The following STMN1 variants were observed in gnomAD, a reference collection of about 807,000 sequenced individuals.
STMN1 encodes the protein stathmin.
In STMN1, 3 loss-of-function variants were observed where a neutral mutation model predicts 19.7. The observed-to-expected ratio is 0.15, with a 90% confidence interval of 0.07 to 0.39. The LOEUF (loss-of-function observed/expected upper bound fraction) is 0.39, where lower values mean the gene tolerates loss of function less well. Ranked by LOEUF, STMN1 falls within the 10% of genes least tolerant of loss-of-function variation. STMN1 has a pLI of 1.00. For synonymous variants in STMN1, 59 were observed against 58.9 expected (o/e 1.00, Z -0.01); for missense variants, 99 against 176.0 (o/e 0.56, Z 2.48).
intron 4 of STMN1, chr1:25,889,002 C>A: frequency 2.0e-6 from 1 of 490,392 alleles, no homozygotes; most frequent in South Asian, 1.6e-5. Context: ...GGTCAAGAAA[C>A]AAAAGCAAAA....
At chr1:25,886,152 C>T (rs1347524784) in intron 4 of STMN1, among the ~76,000 whole-genome samples, 1 of 152,040 alleles carries the variant, frequency 6.6e-6, no homozygotes, top group Admixed American at 6.6e-5. Context: ...GTGGTGATGA[C>T]CTAGGCTCTG....
chr1:25,891,861 G>C (rs956583537), intron 4 of STMN1, among the ~76,000 whole-genome samples: 4 of 152,166 alleles, frequency 2.6e-5, no homozygotes, highest in African/African-American at 9.7e-5. Context: ...CATGAAGCTG[G>C]CAGGAGGAAC....
intron 4 of STMN1, 45 bp downstream of exon 4, chr1:25,901,446 G>A (rs2048873010): frequency 1.9e-6 from 3 of 1,554,446 alleles, no homozygotes; most frequent in South Asian, 2.5e-5. Context: ...ACTCATTGGT[G>A]CATCAAACTC....
chr1:25,896,192 C>A (rs2048816917), downstream of STMN1, among the ~76,000 whole-genome samples: 3 of 152,332 alleles, frequency 2.0e-5, no homozygotes, highest in South Asian at 6.2e-4. Flanking sequence ...GGTAAATCCC[C>A]TAATCTAGGT....
downstream of STMN1, chr1:25,884,489 G>A (rs1487627547): frequency 2.0e-5 from 3 of 152,158 alleles, no homozygotes; most frequent in Non-Finnish European, 2.9e-5. Flanking sequence ...GAGGTCAGGA[G>A]ATCGAGACCA....
chr1:25,895,287 T>C (rs1468050476), downstream of STMN1, among the ~76,000 whole-genome samples: 1 of 151,938 alleles, frequency 6.6e-6, no homozygotes, highest in Non-Finnish European at 1.5e-5. Context: ...TTTGTATTTT[T>C]AGTAGAGACG....
At chr1:25,904,640 A>T in intron 2 of STMN1, 24 bp downstream of exon 2, 3 of 1,609,458 alleles carry the variant, frequency 1.9e-6, no homozygotes, top group Non-Finnish European at 2.6e-6. Flanking sequence ...TTACAATTTC[A>T]GATTTTCCAA....
At chr1:25,893,005 T>C (rs1179721081) in intron 4 of STMN1, among the ~76,000 whole-genome samples, 1 of 152,226 alleles carries the variant, frequency 6.6e-6, no homozygotes, top group Non-Finnish European at 1.5e-5. Context: ...CTGTAAAATT[T>C]TAAAAATATA....
intron 4 of STMN1, among the ~76,000 whole-genome samples, chr1:25,893,571 G>C (rs938021489): frequency 6.6e-6 from 1 of 152,102 alleles, no homozygotes; most frequent in Non-Finnish European, 1.5e-5. Context: ...ACACAGTCTT[G>C]TTCTTGTTGA....
At chr1:25,889,603 C>G (rs1229200328) in intron 4 of STMN1, among the ~76,000 whole-genome samples, 1 of 152,184 alleles carries the variant, frequency 6.6e-6, no homozygotes, top group Admixed American at 6.5e-5. Context: ...CCATGACCCT[C>G]CACCTCACTG....
At chr1:25,887,782 G>T (rs1395697050) in intron 4 of STMN1, among the ~76,000 whole-genome samples, 2 of 152,194 alleles carry the variant, frequency 1.3e-5, no homozygotes, top group Non-Finnish European at 2.9e-5. Context: ...CGCCTCCCGA[G>T]TTCAAGTGGT....
chr1:25,894,132 C>G (rs1047841034), intron 4 of STMN1, among the ~76,000 whole-genome samples: 1 of 152,148 alleles, frequency 6.6e-6, no homozygotes, highest in Non-Finnish European at 1.5e-5. Context: ...GGAAGTGGTG[C>G]CTGTTCCTGG....
intron 4 of STMN1, among the ~76,000 whole-genome samples, chr1:25,891,101 G>A (rs2048770831): frequency 6.6e-6 from 1 of 152,158 alleles, no homozygotes; most frequent in African/African-American, 2.4e-5. Context: ...GGGAGGCCGA[G>A]GTGGCTGGAT....
downstream of STMN1, among the ~76,000 whole-genome samples, chr1:25,899,762 A>G (rs2048851063): frequency 6.6e-6 from 1 of 152,112 alleles, no homozygotes; most frequent in African/African-American, 2.4e-5. Flanking sequence ...TATTGTTCTC[A>G]TGAATAAGTT....
At chr1:25,891,001 TA>T (rs533571745) in intron 4 of STMN1, among the ~76,000 whole-genome samples, 2 of 152,216 alleles carry the variant, frequency 1.3e-5, no homozygotes, top group South Asian at 4.2e-4. Flanking sequence ...TAAAATGGGA[TA>T]AAAAAGAATA....
At chr1:25,898,427 C>T (rs968148889), downstream of STMN1, among the ~76,000 whole-genome samples, 1 of 152,214 alleles carries the variant, frequency 6.6e-6, no homozygotes, top group Non-Finnish European at 1.5e-5. Flanking sequence ...TCGAGAGCCT[C>T]ACCCTCAGGT....
chr1:25,885,738 G>A (rs1297626469), exon 5 of STMN1: 2 of 1,551,100 alleles, frequency 1.3e-6, no homozygotes, highest in Admixed American at 3.9e-5. Flanking sequence ...GATGGTGAGA[G>A]AGATCAGACC....
intron 3 of STMN1, chr1:25,903,417 C>A (rs1342338821): frequency 8.1e-6 from 4 of 495,624 alleles, no homozygotes; most frequent in South Asian, 7.6e-5. Context: ...TTTCTAATTT[C>A]CATTATTTGA....
intron 4 of STMN1, among the ~76,000 whole-genome samples, chr1:25,888,742 C>T (rs1020917744): frequency 6.6e-6 from 1 of 152,142 alleles, no homozygotes; most frequent in African/African-American, 2.4e-5. Context: ...CAAGGACCCA[C>T]GATCTATCCA....
Sources: allele counts gnomAD v4.1 joint callset (sites outside exome capture counted in the v4.1 genomes callset), GRCh38; gene constraint gnomAD v4.1.1; transcripts MANE v1.5; gene names NCBI Gene and HGNC (gene_info 2026-07-23, HGNC 2026-07-21).